The following MCF2L variants were observed in gnomAD, a reference collection of about 807,000 sequenced individuals.
The protein encoded by MCF2L is MCF.2 cell line derived transforming sequence like.
In MCF2L, 97 loss-of-function variants were observed where a neutral mutation model predicts 153.4. The ratio of observed to expected loss-of-function variants is 0.63; its 90% CI spans 0.54 to 0.75. MCF2L has a LOEUF of 0.75. Ranked by LOEUF, MCF2L falls within the 30% of genes least tolerant of loss-of-function variation. The pLI is 0.00. For missense variants in MCF2L, 1,347 were observed against 1,495.2 expected, an observed-to-expected ratio of 0.90 and a Z score of 1.64; for synonymous variants, 659 against 632.2, an observed-to-expected ratio of 1.04 and a Z score of -0.64.
intron 3 of MCF2L, among the ~76,000 whole-genome samples, chr13:113,041,949 C>A (rs1302034836): frequency 6.6e-6 from 1 of 152,150 alleles, no homozygotes; most frequent in African/African-American, 2.4e-5. Flanking sequence ...TGACTTTGGG[C>A]AAGTGACTAA....
intron 15 of MCF2L, among the ~76,000 whole-genome samples, chr13:113,080,913 CA>C (rs66797474): frequency 0.16 from 24,566 of 152,164 alleles, 2,234 homozygotes; most frequent in Middle Eastern, 0.26. Context: ...AGGTGGGACC[CA>C]AAAGCCCAGG....
At chr13:112,906,394 A>C (rs915032426) in intron 2 of MCF2L, among the ~76,000 whole-genome samples, 8 of 152,240 alleles carry the variant, frequency 5.3e-5, no homozygotes, top group African/African-American at 1.9e-4. Flanking sequence ...CGTGGCCAGC[A>C]TCAGCTCCCT....
chr13:113,055,526 GCGTGATT>G (rs1427640365), intron 4 of MCF2L, among the ~76,000 whole-genome samples: 1 of 152,070 alleles, frequency 6.6e-6, no homozygotes, highest in Non-Finnish European at 1.5e-5. Context: ...ACGTAGAAGA[GCGTGATT>G]CATCGCACCA....
chr13:113,037,332 G>A (rs980842307), intron 3 of MCF2L, among the ~76,000 whole-genome samples: 2 of 152,172 alleles, frequency 1.3e-5, no homozygotes, highest in African/African-American at 4.8e-5. Flanking sequence ...CACAAGTTCT[G>A]GGGAAGCAGG....
intron 26 of MCF2L, chr13:113,090,220 G>A: frequency 6.9e-7 from 1 of 1,455,068 alleles, no homozygotes; most frequent in Non-Finnish European, 9.2e-7. Flanking sequence ...CATGCATCGT[G>A]TGTGACCATT....
chr13:112,923,465 C>T (rs548519337), intron 2 of MCF2L, among the ~76,000 whole-genome samples: 6 of 151,994 alleles, frequency 3.9e-5, no homozygotes, highest in South Asian at 2.1e-4. Flanking sequence ...GGGGTTTCAC[C>T]GTGTTAGCCA....
chr13:113,095,889 G>T lies in MCF2L; in HGVS notation c.3076-482G>T, dbSNP rs56125453. ...GTTCTAGGCCCCGGAGACAAAGCGG[G>T]AACAGCACAGACAGGAACCTCCACT... On this transcript the variant is annotated intron_variant, in intron 27 of 29. Transcript: ENST00000535094. 2,035 of 739,194 alleles carry T rather than the reference G, an allele frequency of 2.8e-3. 34 individuals carry two copies. The African/African-American group carries it at 0.035, about 13-fold the overall frequency. The allele number at this position is 739,194 out of a possible 1,614,324, so 45.8% of individuals were successfully genotyped here.
At chr13:113,020,402 C>T (rs931843748) in intron 2 of MCF2L, among the ~76,000 whole-genome samples, 9 of 152,234 alleles carry the variant, frequency 5.9e-5, no homozygotes, top group South Asian at 4.1e-4. Context: ...CTGCCCAGGA[C>T]GCGTGTGCGT....
rs754170222 is a variant in MCF2L at position 113,096,613 on chromosome 13, G to C, written c.3252G>C (p.Arg1084=). The C allele has an allele frequency of 5.6e-6, 9 of 1,598,778 alleles. No individual in the cohort carries two copies. ...GWVPASSLSV[R]LGPSGSAQCL... is the part of the protein sequence containing the mutation. ...TGCCGGCCAGCAGCCTGTCCGTCCG[G>C]CTCGGCCCGTCCGGCTCGGCCCAGT... is the stretch of plus-strand genomic sequence containing the variant. Residue 1084 remains arginine (R), a synonymous_variant, in exon 29 of 30, where the codon CGG becomes CGC. Transcript: ENST00000535094.
In MCF2L at chr13:112,932,222, G is replaced by A. The variant is rs902310918; in HGVS notation, c.169+29851G>A. On this transcript the variant is annotated intron_variant, in intron 2 of 29. Coordinates refer to the MCF2L transcript ENST00000375608. The surrounding 1 kb of genome is among the most constrained non-coding windows in gnomAD (Gnocchi z 4.6). ...GACCAGGCGTGTAGACTCGTGCCCT[G>A]GGTAAGGCGTGACCGGGATGGCACT... 1.1e-4 allele frequency among the ~76,000 whole-genome samples: 16 copies of A among 150,222 alleles called. No individual in the cohort carries two copies. The highest frequency in any genetic ancestry group is 3.9e-4 in the African/African-American group (16 of 40,792).
chr13:112,934,187 G>C (rs2081491196), intron 2 of MCF2L, among the ~76,000 whole-genome samples: 1 of 152,178 alleles, frequency 6.6e-6, no homozygotes, highest in Non-Finnish European at 1.5e-5. Flanking sequence ...GAAGCCCCCT[G>C]CTTGCCACAG....
At chr13:113,061,193 A>T (rs2031348675) in intron 5 of MCF2L, among the ~76,000 whole-genome samples, 1 of 152,074 alleles carries the variant, frequency 6.6e-6, no homozygotes, top group African/African-American at 2.4e-5. Flanking sequence ...CCTGTCCTGG[A>T]GCAGCCAACA....
At chr13:112,982,640 G>C (rs557875085) in intron 1 of MCF2L, among the ~76,000 whole-genome samples, 5 of 152,188 alleles carry the variant, frequency 3.3e-5, no homozygotes, top group Non-Finnish European at 5.9e-5. Context: ...CTGCTCTCGC[G>C]TGCTGTGGGA....
At chr13:112,913,074 G>T (rs955543428) in intron 2 of MCF2L, among the ~76,000 whole-genome samples, 1 of 151,622 alleles carries the variant, frequency 6.6e-6, no homozygotes, top group African/African-American at 2.4e-5. Flanking sequence ...GGGTGTGTCT[G>T]TGTGATTGTG....
rs1285297419 is a variant in MCF2L at position 113,046,588 on chromosome 13, C to G, written c.369+1227C>G. 3.7e-6 allele frequency: 2 copies of G among 533,420 alleles called. No homozygotes were observed. The highest frequency in any genetic ancestry group is 1.4e-5 in the South Asian group (1 of 71,572). 33.0% of individuals were successfully genotyped at this position (533,420 alleles called of 1,614,324 possible). ...CCCGCACATTGCCTCATTCCTTCAT[C>G]TTTTACAAGAATTAGAGGCCCCATA... On this transcript the variant is annotated intron_variant, in intron 4 of 29. Coordinates refer to ENST00000535094, the MANE Select transcript of MCF2L (RefSeq NM_001112732.3). The surrounding 1 kb of genome is among the most constrained non-coding windows in gnomAD (Gnocchi z 4.4).
At chr13:112,899,534 T>C (rs907928498) in intron 1 of MCF2L, among the ~76,000 whole-genome samples, 2 of 152,204 alleles carry the variant, frequency 1.3e-5, no homozygotes, top group African/African-American at 4.8e-5. Context: ...CCAGACTCTC[T>C]CTACCCACGT....
chr13:113,064,329 A>G lies in MCF2L; in HGVS notation c.515A>G (p.Asp172Gly). The G allele has an allele frequency of 9.3e-6, 15 of 1,612,972 alleles. No individual in the cohort carries two copies. The highest frequency in any genetic ancestry group is 1.3e-5 in the Non-Finnish European group (15 of 1,179,892). Reference protein sequence around the residue: ...VPVIMLSSVPDLHGYIDKSQL... With the variant: ...VPVIMLSSVPGLHGYIDKSQL... The stretch of plus-strand genomic sequence containing the variant: ...GTCATAATGCTGAGCTCCGTACCAG[A>G]CTTACACGGTTACATCGATAAGTCG... The change falls in exon 6 of 30, where the codon GAC becomes GGC. Residue 172 changes from aspartate (D) to glycine (G), a missense_variant. Around this residue, in one of 3 missense-constraint regions of MCF2L, gnomAD observed 820 missense variants for 921.2 expected, o/e 0.89. Coordinates refer to ENST00000535094, the MANE Select transcript of MCF2L (RefSeq NM_001112732.3). The surrounding 1 kb of genome is among the most constrained non-coding windows in gnomAD (Gnocchi z 6.0).
chr13:113,071,837 T>C (rs2032953988), intron 9 of MCF2L, among the ~76,000 whole-genome samples: 1 of 152,268 alleles, frequency 6.6e-6, no homozygotes, highest in Admixed American at 6.5e-5. Context: ...AAAATTGTGT[T>C]AGCTTCTAGT....
chr13:113,084,149 AT>A (rs1256388957), intron 18 of MCF2L, 82 bp downstream of exon 18: 120 of 1,139,170 alleles, frequency 1.1e-4, no homozygotes, highest in Admixed American at 2.4e-4. Flanking sequence ...GCAAGTTCCT[AT>A]TCTAACCAAC....
Sources: allele counts gnomAD v4.1 joint callset (sites outside exome capture counted in the v4.1 genomes callset), GRCh38; gene constraint gnomAD v4.1.1; regional missense constraint gnomAD v4.1.1; non-coding constraint Gnocchi (gnomAD v3.1); transcripts MANE v1.5; gene names NCBI Gene and HGNC (gene_info 2026-07-23, HGNC 2026-07-21).